HK1: variants seen among roughly 807,000 people sequenced by gnomAD.
HK1 encodes the protein hexokinase 1, also known as hexokinase-1.
A neutral mutation model predicts 91.6 loss-of-function variants in HK1; 28 were observed. The observed-to-expected ratio is 0.31, with a 90% CI of 0.23 to 0.42. HK1 has a LOEUF of 0.42. Ranked by LOEUF, HK1 falls within the 10% of genes least tolerant of loss-of-function variation. The probability of loss-of-function intolerance (pLI) is 1.00; values close to 1 mark genes in which losing one functional copy is unlikely to be tolerated. For synonymous variants in HK1, 430 were observed against 468.1 expected (o/e 0.92, Z 1.05); for missense variants, 770 against 1,219.8 (o/e 0.63, Z 5.49).
At chr10:69,286,465 G>C (rs1225010920) in intron 2 of HK1, among the ~76,000 whole-genome samples, 1 of 152,158 alleles carries the variant, frequency 6.6e-6, no homozygotes, top group African/African-American at 2.4e-5. Context: ...CTGCACTCCA[G>C]CCCAGGTGAC....
intron 5 of HK1, among the ~76,000 whole-genome samples, chr10:69,310,599 T>C (rs1846326513): frequency 1.3e-5 from 2 of 151,954 alleles, no homozygotes; most frequent in Non-Finnish European, 2.9e-5. Flanking sequence ...TGATAAAGAG[T>C]CAGTCTGTAA....
chr10:69,364,957 A>C, intron 4 of HK1, 55 bp downstream of exon 4: 1 of 1,605,802 alleles, frequency 6.2e-7, no homozygotes, highest in Non-Finnish European at 8.5e-7. Context: ...TGGAAAAGCT[A>C]ACAAGCCCTT....
intron 1 of HK1, among the ~76,000 whole-genome samples, chr10:69,277,983 A>G (rs1336981865): frequency 1.3e-5 from 2 of 152,050 alleles, no homozygotes; most frequent in Non-Finnish European, 2.9e-5. Context: ...CAGTGAGCCG[A>G]GATTGTGCCA....
At chr10:69,384,978 G>T in intron 12 of HK1, 63 bp downstream of exon 12, 4 of 1,593,362 alleles carry the variant, frequency 2.5e-6, no homozygotes, top group Non-Finnish European at 3.4e-6. Context: ...GCCTGGGTGG[G>T]CTGGCCCTTG....
chr10:69,273,057 G>A (rs1844254559), intron 1 of HK1, among the ~76,000 whole-genome samples: 1 of 138,956 alleles, frequency 7.2e-6, no homozygotes, highest in Non-Finnish European at 1.5e-5. Flanking sequence ...TTGAGATGGA[G>A]TCTCACTCTG....
intron 14 of HK1, among the ~76,000 whole-genome samples, chr10:69,389,881 G>A (rs1322040969): frequency 6.6e-6 from 1 of 152,216 alleles, no homozygotes; most frequent in East Asian, 1.9e-4. Flanking sequence ...AACACATTAG[G>A]GGTCTGGGCC....
chr10:69,345,635 C>T (rs145272642), intron 2 of HK1, among the ~76,000 whole-genome samples: 88 of 152,162 alleles, frequency 5.8e-4, no homozygotes, highest in African/African-American at 2.0e-3. Flanking sequence ...CTGATCCCTG[C>T]GAGGCACCTG....
At chr10:69,347,303 G>A (rs997411080) in intron 2 of HK1, among the ~76,000 whole-genome samples, 2 of 151,904 alleles carry the variant, frequency 1.3e-5, no homozygotes, top group African/African-American at 2.4e-5. Context: ...GAGCTACTGC[G>A]CCCGGCCACA....
intron 1 of HK1, among the ~76,000 whole-genome samples, chr10:69,274,004 T>A (rs1038096108): frequency 5.9e-5 from 9 of 152,194 alleles, no homozygotes; most frequent in African/African-American, 1.7e-4. Flanking sequence ...CATTTTTTTT[T>A]AATATTAAGC....
rs541953079 is a variant in HK1 at position 69,400,902 on chromosome 10, CA to C, written c.2610-88del. On this transcript the variant is annotated intron_variant, in intron 17 of 17. Coordinates refer to ENST00000359426, the MANE Select transcript of HK1 (RefSeq NM_000188.3). The stretch of plus-strand genomic sequence containing the variant: ...AATCCTAAGTCGAATCATCACCAGT[CA>C]GGGGGCTGTCTGTGCTTTGGTGTTT... 8,759 of 1,371,512 alleles carry C rather than the reference CA, an allele frequency of 6.4e-3. 29 individuals carry two copies. Among genetic ancestry groups the C allele is most frequent in the Non-Finnish European group, 8.5e-3 (8,134 of 961,970 alleles). 85.0% of individuals were successfully genotyped at this position (1,371,512 alleles called of 1,614,324 possible).
At chr10:69,322,236 C>T (rs16926242) in intron 1 of HK1, among the ~76,000 whole-genome samples, 28,792 of 152,106 alleles carry the variant, frequency 0.19, 3,300 homozygotes, top group East Asian at 0.57. Flanking sequence ...TTTCTCTGGG[C>T]GAGATCCCCA....
chr10:69,289,035 C>A (rs1845159384), intron 3 of HK1, among the ~76,000 whole-genome samples: 1 of 152,124 alleles, frequency 6.6e-6, no homozygotes, highest in Non-Finnish European at 1.5e-5. Context: ...ATCCGCCCAC[C>A]TCGGCCTCCC....
At chr10:69,332,998 A>G (rs1847812730) in intron 1 of HK1, among the ~76,000 whole-genome samples, 1 of 152,138 alleles carries the variant, frequency 6.6e-6, no homozygotes, top group Admixed American at 6.5e-5. Context: ...CCCTGGCCAA[A>G]TGGACAGATG....
At chr10:69,352,533 G>A (rs934347939) in intron 2 of HK1, among the ~76,000 whole-genome samples, 1 of 152,114 alleles carries the variant, frequency 6.6e-6, no homozygotes, top group African/African-American at 2.4e-5. Context: ...AATATAATCG[G>A]TTCATAAAAA....
intron 10 of HK1, among the ~76,000 whole-genome samples, chr10:69,383,451 G>A (rs1839489574): frequency 6.6e-6 from 1 of 152,218 alleles, no homozygotes; most frequent in South Asian, 2.1e-4. Context: ...GTGGGTCCTT[G>A]GAGTAACGAA....
chr10:69,335,874 G>A (rs1847953169), intron 1 of HK1, among the ~76,000 whole-genome samples: 1 of 152,210 alleles, frequency 6.6e-6, no homozygotes, highest in Non-Finnish European at 1.5e-5. Context: ...TCCTGAGGAA[G>A]TCTTTAGTAC....
At chr10:69,353,912 T>C (rs974473247) in intron 2 of HK1, among the ~76,000 whole-genome samples, 1 of 152,138 alleles carries the variant, frequency 6.6e-6, no homozygotes, top group African/African-American at 2.4e-5. Context: ...GGAACCCCGA[T>C]TTATAGTGAT....
At chr10:69,332,693 T>C (rs1466407425) in intron 1 of HK1, among the ~76,000 whole-genome samples, 3 of 152,124 alleles carry the variant, frequency 2.0e-5, no homozygotes, top group Non-Finnish European at 4.4e-5. Context: ...CTGTTTCATC[T>C]GTCAGATAAG....
intron 5 of HK1, among the ~76,000 whole-genome samples, chr10:69,304,763 T>C (rs1846030949): frequency 2.0e-5 from 3 of 152,178 alleles, no homozygotes. Flanking sequence ...GGGTGTTTCA[T>C]GTTTGTGGGT....
Sources: allele counts gnomAD v4.1 joint callset (sites outside exome capture counted in the v4.1 genomes callset), GRCh38; gene constraint gnomAD v4.1.1; transcripts MANE v1.5; gene names NCBI Gene and HGNC (gene_info 2026-07-23, HGNC 2026-07-21).